The following WWOX variants were observed in gnomAD, a reference collection of about 807,000 sequenced individuals.
The protein encoded by WWOX is WW domain-containing oxidoreductase.
Under a neutral mutation model 46.2 loss-of-function variants are expected in WWOX, and 69 were observed. The ratio of observed to expected loss-of-function variants is 1.49; its 90% CI spans 1.23 to 1.82. WWOX has a LOEUF of 1.82. WWOX is among the 40% of genes most tolerant of loss of function. The pLI is 0.00. For synonymous variants in WWOX, 359 were observed against 202.6 expected, an observed-to-expected ratio of 1.77 and a Z score of -6.56; for missense variants, 919 against 542.6, an observed-to-expected ratio of 1.69 and a Z score of -6.89.
intron 8 of WWOX, among the ~76,000 whole-genome samples, chr16:78,738,019 C>G (rs887437339): frequency 2.6e-5 from 4 of 152,162 alleles, no homozygotes; most frequent in African/African-American, 9.7e-5. Context: ...CTGTCAGAGC[C>G]CGGTGGACTT....
Position 79,211,592 on chromosome 16 carries a change from CT to C in WWOX, c.1057-14del, listed in dbSNP as rs991858010. The C allele has an allele frequency of 6.2e-7, 1 of 1,613,936 alleles. No homozygotes were observed. The highest frequency in any genetic ancestry group is 1.3e-5 in the African/African-American group (1 of 74,994). On this transcript the variant is annotated splice_polypyrimidine_tract_variant and intron_variant, in intron 8 of 8. Transcript: ENST00000566780. ...TTTCTTAAAATTTTTTTTTGTCTTTCTTCTTGGATTTCCAGCAACAGGGAGC... is the reference window on the plus strand; with the variant it reads ...TTTCTTAAAATTTTTTTTTGTCTTTCTCTTGGATTTCCAGCAACAGGGAGC...
chr16:78,298,775 G>A (rs1356894783), intron 5 of WWOX, among the ~76,000 whole-genome samples: 1 of 137,850 alleles, frequency 7.3e-6, no homozygotes, highest in Non-Finnish European at 1.5e-5. Context: ...TGGGCAACAA[G>A]AGCGAAACTC....
At chr16:78,666,003 G>A (rs1567475100) in intron 8 of WWOX, among the ~76,000 whole-genome samples, 1 of 151,850 alleles carries the variant, frequency 6.6e-6, no homozygotes, top group Admixed American at 6.6e-5. Flanking sequence ...GAGATGTGGG[G>A]GCCAGGCACA....
At chr16:79,209,493 G>T (rs2051640244) in intron 8 of WWOX, among the ~76,000 whole-genome samples, 1 of 152,216 alleles carries the variant, frequency 6.6e-6, no homozygotes, top group Non-Finnish European at 1.5e-5. Flanking sequence ...ATGCTGAATA[G>T]TATAACCATT....
intron 8 of WWOX, among the ~76,000 whole-genome samples, chr16:78,706,058 G>GTGT (rs1555520290): frequency 9.4e-6 from 1 of 106,428 alleles, no homozygotes; most frequent in Non-Finnish European, 1.8e-5. Context: ...GTTATGGCAG[G>GTGT]TTTTTTTTTT....
chr16:78,443,135 CAAAAAAAAAAAA>C (rs759618827), intron 8 of WWOX, among the ~76,000 whole-genome samples: 1 of 40,294 alleles, frequency 2.5e-5, no homozygotes, highest in African/African-American at 8.9e-5. Context: ...GACTCCATCT[CAAAAAAAAAAAA>C]AAAAAAAAAA....
intron 8 of WWOX, among the ~76,000 whole-genome samples, chr16:78,521,810 T>C (rs16947917): frequency 6.6e-6 from 1 of 151,996 alleles, no homozygotes; most frequent in African/African-American, 2.4e-5. Flanking sequence ...AAGAAGCCCA[T>C]GTGAAAACAC....
intron 5 of WWOX, among the ~76,000 whole-genome samples, chr16:78,241,631 G>A (rs1381191924): frequency 1.3e-5 from 2 of 152,044 alleles, no homozygotes; most frequent in Non-Finnish European, 1.5e-5. Context: ...GTAGAGATGG[G>A]GTTTCAGCAT....
intron 8 of WWOX, among the ~76,000 whole-genome samples, chr16:78,521,388 G>T (rs1018181810): frequency 6.6e-6 from 1 of 152,058 alleles, no homozygotes; most frequent in African/African-American, 2.4e-5. Context: ...GTGTGTGGGT[G>T]GGTGGTGATG....
intron 8 of WWOX, among the ~76,000 whole-genome samples, chr16:78,561,983 A>AG (rs1274091863): frequency 3.5e-5 from 5 of 143,954 alleles, no homozygotes; most frequent in Non-Finnish European, 6.1e-5. Flanking sequence ...CAACCTAACA[A>AG]TGGGTTGACA....
intron 8 of WWOX, among the ~76,000 whole-genome samples, chr16:78,745,522 C>CTTTTTTTTTTTTTTTTTTTT (rs5818168): frequency 2.2e-5 from 2 of 92,752 alleles, no homozygotes; most frequent in African/African-American, 4.7e-5. Flanking sequence ...TGTGGAAATC[C>CTTTTTTTTTTTTTTTTTTTT]TTTTTTTTTT....
At chr16:78,445,581 G>T (rs1449336026) in intron 8 of WWOX, among the ~76,000 whole-genome samples, 1 of 152,164 alleles carries the variant, frequency 6.6e-6, no homozygotes, top group Non-Finnish European at 1.5e-5. Context: ...TTCACAGAAA[G>T]AAATAATATG....
At chr16:79,076,980 A>G (rs1376169901) in intron 8 of WWOX, among the ~76,000 whole-genome samples, 1 of 152,190 alleles carries the variant, frequency 6.6e-6, no homozygotes, top group Non-Finnish European at 1.5e-5. Context: ...AAAGAGGTCA[A>G]TTATTAGGTT....
At chr16:78,863,000 C>T (rs146981026) in intron 8 of WWOX, among the ~76,000 whole-genome samples, 1 of 141,154 alleles carries the variant, frequency 7.1e-6, no homozygotes, top group Non-Finnish European at 1.5e-5. Context: ...TGCTCTGTTG[C>T]CAGGGTGGAG....
Position 78,996,204 on chromosome 16 carries a change from A to G in WWOX, c.1057-215404A>G, listed in dbSNP as rs907454834. On this transcript the variant is annotated intron_variant, in intron 8 of 8. Coordinates refer to ENST00000566780, the MANE Select transcript of WWOX (RefSeq NM_016373.4). Reference sequence around the variant, plus strand: ...CTTTAAATAAAATCTCCATTTAGAAATTTTTGAAGACTTGTGGATAGAAGA... The same window carrying G: ...CTTTAAATAAAATCTCCATTTAGAAGTTTTTGAAGACTTGTGGATAGAAGA... 16 of 984,980 alleles carry G rather than the reference A, an allele frequency of 1.6e-5. No individual in the cohort carries two copies. In the South Asian group the frequency reaches 5.6e-4, roughly 35 times the overall value. 61.0% of individuals were successfully genotyped at this position (984,980 alleles called of 1,614,324 possible). A position where few individuals can be genotyped will look rare whatever the true frequency, so the allele number is the denominator to read the frequency against.
chr16:78,347,043 G>A (rs969148434), intron 5 of WWOX, among the ~76,000 whole-genome samples: 1 of 118,374 alleles, frequency 8.4e-6, no homozygotes, highest in Non-Finnish European at 2.0e-5. Context: ...TCTTTCTTGC[G>A]TTTTTGTGGG....
At position 78,347,756 on chromosome 16, in the gene WWOX, C is replaced by G. The variant is rs190129903; in HGVS notation, c.517-39104C>G. Among the ~76,000 whole-genome samples the G allele has an allele frequency of 3.6e-4, 44 of 122,100 alleles. 8 individuals carry two copies. In the East Asian group the frequency reaches 4.4e-3, roughly 12 times the overall value. The allele number at this position is 122,100 out of a possible 152,430, so 80.1% of individuals were successfully genotyped here. A position where few individuals can be genotyped will look rare whatever the true frequency, so the allele number is the denominator to read the frequency against. On this transcript the variant is annotated intron_variant, in intron 5 of 8. Transcript: ENST00000566780. Reference sequence around the variant, plus strand: ...TTCATGAGACTGCTAAATAGTTGCCCTGGCAATTTCTGATTATAATTTTAG... The same window carrying G: ...TTCATGAGACTGCTAAATAGTTGCCGTGGCAATTTCTGATTATAATTTTAG...
chr16:78,877,460 GC>G (rs2044257544), intron 8 of WWOX, among the ~76,000 whole-genome samples: 1 of 152,118 alleles, frequency 6.6e-6, no homozygotes, highest in Non-Finnish European at 1.5e-5. Context: ...TCTCCAAAAG[GC>G]TTTGCTCAAC....
chr16:78,954,741 G>C (rs1322908038), intron 8 of WWOX, among the ~76,000 whole-genome samples: 2 of 152,062 alleles, frequency 1.3e-5, no homozygotes, highest in African/African-American at 2.4e-5. Context: ...TATATAAAGT[G>C]CTATGGGGAA....
Sources: gnomAD v4.1 joint callset for allele counts (sites outside exome capture counted in the v4.1 genomes callset) on GRCh38, gnomAD v4.1.1 for gene constraint, MANE v1.5 for transcripts, NCBI Gene and HGNC (gene_info 2026-07-23, HGNC 2026-07-21) for gene names.